The following DSP variants were observed in gnomAD, a reference collection of about 807,000 sequenced individuals.
The protein encoded by DSP is desmoplakin, also known as 250/210 kDa paraneoplastic pemphigus antigen.
DSP carries 114 observed loss-of-function variants against 290.6 expected under a neutral mutation model. The ratio of observed to expected loss-of-function variants is 0.39; its 90% CI spans 0.34 to 0.46. The LOEUF (loss-of-function observed/expected upper bound fraction) is 0.46. DSP is among the 20% of genes least tolerant of loss of function. DSP has a pLI of 0.99. For synonymous variants in DSP, 1,311 were observed against 1,316.4 expected (o/e 1.00, Z 0.09); for missense variants, 3,230 against 3,495.8 (o/e 0.92, Z 1.92).
In DSP at chr6:7,586,439, T is replaced by G. The variant is rs1759679641; in HGVS notation, c.*561T>G. 6.5e-6 allele frequency: 1 copy of G among 152,896 alleles called. No individual in the cohort carries two copies. Among genetic ancestry groups the G allele is most frequent in the Admixed American group, 6.5e-5 (1 of 15,356 alleles). The allele number at this position is 152,896 out of a possible 1,614,324, so 9.5% of individuals were successfully genotyped here. A position where few individuals can be genotyped will look rare whatever the true frequency, so the allele number is the denominator to read the frequency against. Reference sequence around the variant, plus strand: ...TCGATGTACTTGTTTGGTTTGGTATTAATTTGACTGTGCATGACAGCGGCA... The same window carrying G: ...TCGATGTACTTGTTTGGTTTGGTATGAATTTGACTGTGCATGACAGCGGCA... On this transcript the variant is annotated 3_prime_UTR_variant, in exon 24 of 24. Coordinates refer to ENST00000379802, the MANE Select transcript of DSP (RefSeq NM_004415.4).
At chr6:7,562,304 A>T (rs1003053242) in intron 4 of DSP, among the ~76,000 whole-genome samples, 17 of 152,012 alleles carry the variant, frequency 1.1e-4, no homozygotes, top group African/African-American at 4.1e-4. Flanking sequence ...ATTTTATAAC[A>T]TATCATACAT....
At chr6:7,557,363 C>T (rs1273365530) in intron 2 of DSP, among the ~76,000 whole-genome samples, 1 of 152,154 alleles carries the variant, frequency 6.6e-6, no homozygotes, top group African/African-American at 2.4e-5. Context: ...TACAGTTAAC[C>T]AGGCAGAAGC....
At position 7,584,254 on chromosome 6, in the gene DSP, C is replaced by G; in HGVS notation, c.6992C>G (p.Ser2331Cys). 6.2e-7 allele frequency: 1 copy of G among 1,614,172 alleles called. No homozygotes were observed. Among genetic ancestry groups the G allele is most frequent in the Non-Finnish European group, 8.5e-7 (1 of 1,180,034 alleles). ...VGIEFKEKLL[S>C]AERAVTGYND... Reference sequence around the variant, plus strand: ...ATTGAGTTCAAAGAGAAGCTCCTGTCTGCAGAACGAGCTGTCACTGGGTAT... The same window carrying G: ...ATTGAGTTCAAAGAGAAGCTCCTGTGTGCAGAACGAGCTGTCACTGGGTAT... Residue 2331 changes from serine (S) to cysteine (C), a missense_variant, in exon 24 of 24, where the codon TCT becomes TGT. Physicochemically the swap from Ser to Cys is moderately radical, Grantham distance 112. Coordinates refer to ENST00000379802, the MANE Select transcript of DSP (RefSeq NM_004415.4). The surrounding 1 kb of genome is among the most constrained non-coding windows in gnomAD (Gnocchi z 6.4).
At position 7,568,543 on chromosome 6, in the gene DSP, A is replaced by G; in HGVS notation, c.1373A>G (p.Asn458Ser). Residue 458 changes from asparagine to serine, a missense_variant, in exon 11 of 24, where the codon AAT (asparagine) becomes AGT (serine). Asn to Ser is a conservative substitution (Grantham distance 46, BLOSUM62 1). Coordinates refer to ENST00000379802, the MANE Select transcript of DSP (RefSeq NM_004415.4). ...CCTCGTAACCCAGACTACAGAAGCA[A>G]TAAACCCATTATTCTCAGAGCTCTC... ...LKPRNPDYRS[N>S]KPIILRALCD... The G allele has an allele frequency of 1.2e-6, 2 of 1,614,122 alleles. No individual in the cohort carries two copies. Among genetic ancestry groups the G allele is most frequent in the South Asian group, 1.1e-5 (1 of 91,082 alleles).
In DSP at chr6:7,582,605, C is replaced by T. The variant is rs1433418075; in HGVS notation, c.5380-37C>T. On this transcript the variant is annotated intron_variant, in intron 23 of 23. Coordinates refer to ENST00000379802, the MANE Select transcript of DSP (RefSeq NM_004415.4). This position sits in a 1 kb window ranked among gnomAD's most constrained non-coding sequence, Gnocchi z 4.2. ...GATAGTAATATGATATGATTCAAAA[C>T]ATTATTTTTTCCCATTTCTTTCTTC... 10 of 1,542,316 alleles carry T rather than the reference C, an allele frequency of 6.5e-6. No homozygotes were observed. Among genetic ancestry groups the T allele is most frequent in the African/African-American group, 1.4e-5 (1 of 73,260 alleles).
chr6:7,564,942 C>T (rs1376260958), intron 6 of DSP, among the ~76,000 whole-genome samples: 1 of 152,048 alleles, frequency 6.6e-6, no homozygotes, highest in Non-Finnish European at 1.5e-5. Context: ...GTTGGGAGTT[C>T]GAGACCAGCC....
chr6:7,554,411 G>A (rs1323785651), intron 1 of DSP, among the ~76,000 whole-genome samples: 5 of 151,992 alleles, frequency 3.3e-5, no homozygotes, highest in Admixed American at 6.6e-5. Context: ...AACATTTTCC[G>A]CCAACACCAC....
intron 1 of DSP, among the ~76,000 whole-genome samples, chr6:7,547,994 GCGCGGTGGCT>G (rs1758215503): frequency 6.6e-6 from 1 of 152,128 alleles, no homozygotes; most frequent in Non-Finnish European, 1.5e-5. Context: ...TTTCTGCCGG[GCGCGGTGGCT>G]CACGCCTGTA....
chr6:7,542,570 A>C (rs1581778623), intron 1 of DSP, among the ~76,000 whole-genome samples: 2 of 151,966 alleles, frequency 1.3e-5, no homozygotes, highest in Admixed American at 6.5e-5. Flanking sequence ...CCCAATCCCC[A>C]GTAACCCCGA....
intron 1 of DSP, among the ~76,000 whole-genome samples, chr6:7,543,254 C>T (rs1758069980): frequency 6.6e-6 from 1 of 152,150 alleles, no homozygotes; most frequent in South Asian, 2.1e-4. Context: ...GGCCCTAGGC[C>T]TGGGAGGAGC....
chr6:7,577,923 C>T (rs369687571), intron 21 of DSP, 37 bp downstream of exon 21: 1 of 1,517,880 alleles, frequency 6.6e-7, no homozygotes, highest in South Asian at 1.1e-5. Flanking sequence ...AAACCTGCCC[C>T]TCCTTCTGCT....
At position 7,580,765 on chromosome 6, in the gene DSP, AAACAAACTG is replaced by A. The variant is rs780996065; in HGVS notation, c.4578_4586del (p.Asn1526_Leu1528del). 6.2e-7 allele frequency: 1 copy of A among 1,614,148 alleles called. No homozygotes were observed. The highest frequency in any genetic ancestry group is 1.3e-5 in the African/African-American group (1 of 75,058). ...CAAACAGTAGTGCGACGGAGACAAT[AAACAAACTG>A]AAGGTTCAGGAGCAAGAACTGACAC... On this transcript the variant is annotated inframe_deletion, in exon 23 of 24. Coordinates refer to ENST00000379802, the MANE Select transcript of DSP (RefSeq NM_004415.4). This position sits in a 1 kb window ranked among gnomAD's most constrained non-coding sequence, Gnocchi z 4.2.
intron 18 of DSP, 22 bp from the exon 19 acceptor site, chr6:7,576,272 T>C (rs766049923): frequency 1.9e-6 from 3 of 1,612,048 alleles, no homozygotes; most frequent in Non-Finnish European, 2.5e-6. Context: ...ATAATGATTT[T>C]ATTGTATCTA....
rs1759643846 is a variant in DSP, at chr6:7,585,732, GGGTCCC to G, written c.8472_8477del (p.Arg2826_Ser2827del). ...CCCTTACAACATGTCTTCGGCTCCG[GGGTCCC>G]GCTCCGGCTCCCGCTCGGGATCTCG... On this transcript the variant is annotated inframe_deletion, in exon 24 of 24. Coordinates refer to ENST00000379802, the MANE Select transcript of DSP (RefSeq NM_004415.4). 2 of 1,611,284 alleles carry G rather than the reference GGGTCCC, an allele frequency of 1.2e-6. No homozygotes were observed. Among genetic ancestry groups the G allele is most frequent in the Non-Finnish European group, 8.5e-7 (1 of 1,178,374 alleles).
At position 7,565,790 on chromosome 6, in the gene DSP, C is replaced by T. The variant is rs1758844444; in HGVS notation, c.939+270C>T. 2.2e-6 allele frequency: 1 copy of T among 452,120 alleles called. No homozygotes were observed. Among genetic ancestry groups the T allele is most frequent in the South Asian group, 2.1e-5 (1 of 48,660 alleles). The allele number at this position is 452,120 out of a possible 1,614,324, so 28.0% of individuals were successfully genotyped here. On this transcript the variant is annotated intron_variant, in intron 7 of 23. Transcript: ENST00000379802. The surrounding 1 kb of genome is among the most constrained non-coding windows in gnomAD (Gnocchi z 4.2). ...AAATGATGAGAATACATGGATACAT[C>T]GAGGGCAACAACACACACTGGGGCC... is the stretch of plus-strand genomic sequence containing the variant.
chr6:7,571,332 C>T, intron 13 of DSP, 51 bp from the exon 14 acceptor site: 1 of 1,605,848 alleles, frequency 6.2e-7, no homozygotes, highest in Non-Finnish European at 8.5e-7. Context: ...TTCTTGATTG[C>T]ATTGTGGGGC....
In DSP at chr6:7,567,461, T is replaced by C. The variant is rs772295807; in HGVS notation, c.1140+12T>C. On this transcript the variant is annotated intron_variant, in intron 9 of 23. Coordinates refer to ENST00000379802, the MANE Select transcript of DSP (RefSeq NM_004415.4). Reference sequence around the variant, plus strand: ...CTGCCTACTTTCAGGTTTTTATATTTAGTGATAATTTTGTTGTTATTTAGG... The same window carrying C: ...CTGCCTACTTTCAGGTTTTTATATTCAGTGATAATTTTGTTGTTATTTAGG... 1.2e-6 allele frequency: 2 copies of C among 1,607,678 alleles called. No homozygotes were observed. Among genetic ancestry groups the C allele is most frequent in the Admixed American group, 3.3e-5 (2 of 60,026 alleles).
rs1243438401 is a variant in DSP at position 7,582,532 on chromosome 6, C to T, written c.5380-110C>T. Reference sequence around the variant, plus strand: ...GGACAATATAGAAAGAAAAAATAAGCAAGGCTTTTTTTTTTAAAGATAGAT... The same window carrying T: ...GGACAATATAGAAAGAAAAAATAAGTAAGGCTTTTTTTTTTAAAGATAGAT... On this transcript the variant is annotated intron_variant, in intron 23 of 23. Coordinates refer to ENST00000379802, the MANE Select transcript of DSP (RefSeq NM_004415.4). This position sits in a 1 kb window ranked among gnomAD's most constrained non-coding sequence, Gnocchi z 4.2. 3.9e-6 allele frequency: 4 copies of T among 1,031,362 alleles called. No homozygotes were observed. In the South Asian group the frequency reaches 4.6e-5, roughly 12 times the overall value. 63.9% of individuals were successfully genotyped at this position (1,031,362 alleles called of 1,614,324 possible).
chr6:7,573,729 CAG>C (rs1363258155), intron 15 of DSP, among the ~76,000 whole-genome samples: 4 of 151,972 alleles, frequency 2.6e-5, no homozygotes, highest in Admixed American at 6.6e-5. Flanking sequence ...TGCAGGGAAA[CAG>C]AGAGTAGGAT....
Sources: allele counts gnomAD v4.1 joint callset (sites outside exome capture counted in the v4.1 genomes callset), GRCh38; gene constraint gnomAD v4.1.1; non-coding constraint Gnocchi (gnomAD v3.1); transcripts MANE v1.5; gene names NCBI Gene and HGNC (gene_info 2026-07-23, HGNC 2026-07-21).